Variants in TDRD5 observed in about 807,000 individuals in gnomAD.
TDRD5 encodes tudor domain containing 5.
Under a neutral mutation model 120.6 loss-of-function variants are expected in TDRD5, and 41 were observed. That is an observed-to-expected ratio of 0.34 (90% CI 0.26 to 0.44). TDRD5 has a LOEUF of 0.44. TDRD5 is among the 20% of genes least tolerant of loss of function. The pLI is 1.00. For synonymous variants in TDRD5, 430 were observed against 433.7 expected, an observed-to-expected ratio of 0.99 and a Z score of 0.11; for missense variants, 1,006 against 1,221.2, an observed-to-expected ratio of 0.82 and a Z score of 2.63.
chr1:179,686,211 C>T (rs1680704056), intron 17 of TDRD5, among the ~76,000 whole-genome samples: 1 of 152,066 alleles, frequency 6.6e-6, no homozygotes, highest in African/African-American at 2.4e-5. Context: ...TTTTGAGATA[C>T]ATCCCATCAA....
chr1:179,631,851 A>ATTTTTT lies in TDRD5; in HGVS notation c.1126+948_1126+953dup, dbSNP rs745777571. On this transcript the variant is annotated intron_variant, in intron 7 of 17. Coordinates refer to ENST00000444136, the MANE Select transcript of TDRD5 (RefSeq NM_001199085.3). Reference sequence around the variant, plus strand: ...TACCACATTGCATTTAGGGCACTTGATTTTTTTTTTTTTTTTTTTTTTGTG... The same window carrying ATTTTTT: ...TACCACATTGCATTTAGGGCACTTGATTTTTTTTTTTTTTTTTTTTTTTTTTTTGTG... 3.5e-3 allele frequency among the ~76,000 whole-genome samples: 260 copies of ATTTTTT among 74,248 alleles called. 3 individuals are homozygous for ATTTTTT. The highest frequency in any genetic ancestry group is 8.8e-3 in the Middle Eastern group (1 of 114). 48.7% of individuals were successfully genotyped at this position (74,248 alleles called of 152,430 possible). A position where few individuals can be genotyped will look rare whatever the true frequency, so the allele number is the denominator to read the frequency against.
intron 1 of TDRD5, 65 bp from the exon 2 acceptor site, chr1:179,592,537 G>A (rs2101898697): frequency 7.7e-7 from 1 of 1,290,556 alleles, no homozygotes; most frequent in Middle Eastern, 1.9e-4. Flanking sequence ...TCCCACTATT[G>A]GTTTTTTTTT....
At chr1:179,646,001 T>A (rs1678344316) in intron 11 of TDRD5, among the ~76,000 whole-genome samples, 1 of 152,192 alleles carries the variant, frequency 6.6e-6, no homozygotes, top group Non-Finnish European at 1.5e-5. Flanking sequence ...TGTATTTTTT[T>A]AATCCAGGCT....
At chr1:179,652,981 G>A (rs1678801623) in intron 13 of TDRD5, among the ~76,000 whole-genome samples, 1 of 152,130 alleles carries the variant, frequency 6.6e-6, no homozygotes, top group African/African-American at 2.4e-5. Context: ...TTATCCCCAG[G>A]ATATCTCATG....
intron 11 of TDRD5, among the ~76,000 whole-genome samples, chr1:179,643,210 C>T (rs185796937): frequency 6.6e-6 from 1 of 152,198 alleles, no homozygotes; most frequent in Non-Finnish European, 1.5e-5. Context: ...AGTTTGGATC[C>T]AGACAGTTTT....
rs150929817 is a variant in TDRD5 at position 179,643,821 on chromosome 1, G to T, written c.1800+3376G>T. 2.2e-3 allele frequency among the ~76,000 whole-genome samples: 338 copies of T among 152,018 alleles called. 6 individuals are homozygous for T. The highest frequency in any genetic ancestry group is 7.7e-3 in the African/African-American group (319 of 41,460). On this transcript the variant is annotated intron_variant, in intron 11 of 17. Transcript: ENST00000444136. ...AAATTTCCACAGTGTGGTGAAAGAG[G>T]TCAATATTCAGAGTCAAGAATATCA...
chr1:179,672,166 C>G (rs2147785384), intron 17 of TDRD5, among the ~76,000 whole-genome samples: 2 of 152,114 alleles, frequency 1.3e-5, no homozygotes, highest in Non-Finnish European at 2.9e-5. Flanking sequence ...AATGGTAGAT[C>G]TTAGCTCTTT....
intron 4 of TDRD5, among the ~76,000 whole-genome samples, chr1:179,601,069 T>C (rs1348539602): frequency 6.6e-6 from 1 of 152,216 alleles, no homozygotes; most frequent in East Asian, 1.9e-4. Context: ...AAAGAATATG[T>C]ATTTTGCTAT....
intron 4 of TDRD5, among the ~76,000 whole-genome samples, chr1:179,610,277 A>G (rs1316807565): frequency 2.0e-5 from 3 of 152,072 alleles, no homozygotes; most frequent in African/African-American, 7.2e-5. Context: ...TAATTTTCCT[A>G]TTTTTAGATT....
chr1:179,688,191 C>T (rs973109284), intron 17 of TDRD5, among the ~76,000 whole-genome samples: 3 of 152,122 alleles, frequency 2.0e-5, no homozygotes, highest in Non-Finnish European at 2.9e-5. Context: ...ACCAGTTGTT[C>T]CTTTCCATGT....
At chr1:179,644,517 A>T (rs2102038714) in intron 11 of TDRD5, among the ~76,000 whole-genome samples, 1 of 152,220 alleles carries the variant, frequency 6.6e-6, no homozygotes, top group Non-Finnish European at 1.5e-5. Flanking sequence ...TAATTTTTTA[A>T]TCTTAATATT....
chr1:179,625,979 C>T (rs566563800), intron 6 of TDRD5, among the ~76,000 whole-genome samples: 5 of 151,980 alleles, frequency 3.3e-5, no homozygotes, highest in Admixed American at 1.3e-4. Flanking sequence ...AAACCAAACA[C>T]CGCATATTCT....
chr1:179,632,648 A>G (rs1173868870), intron 7 of TDRD5, among the ~76,000 whole-genome samples: 1 of 152,196 alleles, frequency 6.6e-6, no homozygotes, highest in African/African-American at 2.4e-5. Flanking sequence ...TGTTTAAACA[A>G]TTCCAACAAT....
intron 17 of TDRD5, among the ~76,000 whole-genome samples, chr1:179,675,283 T>TTA (rs1240162102): frequency 3.2e-5 from 4 of 125,712 alleles, no homozygotes; most frequent in East Asian, 4.6e-4. Flanking sequence ...ATTTTTTTTT[T>TTA]TTTTTTTTTT....
chr1:179,664,508 A>G (rs1362440191), intron 16 of TDRD5, among the ~76,000 whole-genome samples: 1 of 152,036 alleles, frequency 6.6e-6, no homozygotes, highest in African/African-American at 2.4e-5. Flanking sequence ...CTACTTACTA[A>G]TCTGCTTTCT....
At chr1:179,597,430 C>T (rs1675461442) in intron 4 of TDRD5, among the ~76,000 whole-genome samples, 2 of 149,908 alleles carry the variant, frequency 1.3e-5, no homozygotes, top group Non-Finnish European at 3.0e-5. Flanking sequence ...CTCCCGGGCT[C>T]AAGTGATTCT....
intron 7 of TDRD5, among the ~76,000 whole-genome samples, chr1:179,633,141 G>C (rs1276600410): frequency 6.6e-6 from 1 of 152,052 alleles, no homozygotes; most frequent in African/African-American, 2.4e-5. Context: ...TACTATGGGT[G>C]TTTTTTCATA....
intron 11 of TDRD5, among the ~76,000 whole-genome samples, chr1:179,648,647 A>T (rs891361788): frequency 6.6e-6 from 1 of 152,008 alleles, no homozygotes; most frequent in Admixed American, 6.5e-5. Context: ...ACAAAAAAAA[A>T]TTTTAAACTT....
At position 179,691,053 on chromosome 1, in the gene TDRD5, C is replaced by G. The variant is rs1572459057; in HGVS notation, c.*110C>G. The G allele has an allele frequency of 1.4e-6, 2 of 1,407,162 alleles. No individual in the cohort carries two copies. The highest frequency in any genetic ancestry group is 1.9e-6 in the Non-Finnish European group (2 of 1,068,740). The allele number at this position is 1,407,162 out of a possible 1,614,324, so 87.2% of individuals were successfully genotyped here. ...CAAAATAGTATCTTGATCATTGATA[C>G]TTTTGTCTTTCTGTGACTATATGTT... On this transcript the variant is annotated 3_prime_UTR_variant, in exon 18 of 18. Transcript: ENST00000444136.
Sources: gnomAD v4.1 joint callset for allele counts (sites outside exome capture counted in the v4.1 genomes callset) on GRCh38, gnomAD v4.1.1 for gene constraint, MANE v1.5 for transcripts, NCBI Gene and HGNC (gene_info 2026-07-23, HGNC 2026-07-21) for gene names.